DRC11: variants seen among roughly 807,000 people sequenced by gnomAD.
DRC11 encodes dynein regulatory complex subunit 11, also known as IQ and AAA domain-containing protein 1.
chr2:236,363,886 A>T, the DRC11 span: 20 of 1,613,848 alleles, frequency 1.2e-5, no homozygotes, highest in African/African-American at 2.5e-4. The surrounding 1 kb of genome is among the most constrained non-coding windows in gnomAD (Gnocchi z 5.6). Context: ...TTCGGTGCAG[A>T]TGGCATGGAC....
chr2:236,320,611 C>G, the DRC11 span, among the ~76,000 whole-genome samples: 1 of 152,178 alleles, frequency 6.6e-6, no homozygotes, highest in Non-Finnish European at 1.5e-5. Context: ...CTGGGACCTA[C>G]TTATTCCTAC....
At chr2:236,505,286 T>C in the DRC11 span, among the ~76,000 whole-genome samples, 3 of 152,222 alleles carry the variant, frequency 2.0e-5, no homozygotes, top group East Asian at 1.9e-4. Flanking sequence ...CACTTGAATA[T>C]ATGCACTTCC....
chr2:236,316,145 TTCTCTCTCTCTC>T, the DRC11 span, among the ~76,000 whole-genome samples: 24 of 146,116 alleles, frequency 1.6e-4, no homozygotes, highest in African/African-American at 4.3e-4. The surrounding 1 kb of genome is among the most constrained non-coding windows in gnomAD (Gnocchi z 6.8). Flanking sequence ...ACTTATTTTC[TTCTCTCTCTCTC>T]TCTCTCTCTC....
the DRC11 span, among the ~76,000 whole-genome samples, chr2:236,499,475 C>G: frequency 8.0e-4 from 122 of 152,338 alleles, 1 homozygote; most frequent in East Asian, 0.02. The surrounding 1 kb of genome is among the most constrained non-coding windows in gnomAD (Gnocchi z 4.7). Flanking sequence ...GTCACCCAGC[C>G]CAGAGTGCAG....
the DRC11 span, among the ~76,000 whole-genome samples, chr2:236,479,636 C>T: frequency 6.6e-6 from 1 of 152,270 alleles, no homozygotes; most frequent in Middle Eastern, 3.4e-3. The surrounding 1 kb of genome is among the most constrained non-coding windows in gnomAD (Gnocchi z 4.1). Context: ...TACACTTTAT[C>T]TCCCCCACAT....
At chr2:236,370,298 C>T in the DRC11 span, among the ~76,000 whole-genome samples, 277 of 152,332 alleles carry the variant, frequency 1.8e-3, 2 homozygotes, top group African/African-American at 6.4e-3. This position sits in a 1 kb window ranked among gnomAD's most constrained non-coding sequence, Gnocchi z 5.5. Flanking sequence ...CAGCCACTTG[C>T]TTAATGTTTA....
the DRC11 span, among the ~76,000 whole-genome samples, chr2:236,445,487 C>T: frequency 5.0e-4 from 76 of 151,832 alleles, no homozygotes; most frequent in African/African-American, 1.6e-3. The surrounding 1 kb of genome is among the most constrained non-coding windows in gnomAD (Gnocchi z 4.8). Context: ...TATGCACCAC[C>T]ATGCTTGACT....
the DRC11 span, among the ~76,000 whole-genome samples, chr2:236,455,265 GA>G: frequency 2.0e-5 from 3 of 152,238 alleles, no homozygotes; most frequent in Non-Finnish European, 4.4e-5. This position sits in a 1 kb window ranked among gnomAD's most constrained non-coding sequence, Gnocchi z 5.7. Context: ...TCAGAAACCT[GA>G]ATATGAATTC....
the DRC11 span, among the ~76,000 whole-genome samples, chr2:236,503,474 A>G: frequency 6.6e-6 from 1 of 152,148 alleles, no homozygotes; most frequent in Non-Finnish European, 1.5e-5. The surrounding 1 kb of genome is among the most constrained non-coding windows in gnomAD (Gnocchi z 4.9). Context: ...TTGGTCAAAG[A>G]CAGTCCTGGT....
the DRC11 span, among the ~76,000 whole-genome samples, chr2:236,401,518 T>G: frequency 6.6e-6 from 1 of 152,170 alleles, no homozygotes; most frequent in East Asian, 1.9e-4. The surrounding 1 kb of genome is among the most constrained non-coding windows in gnomAD (Gnocchi z 4.6). Context: ...AGGGAAAGTA[T>G]AGGCTCAATC....
chr2:236,455,970 C>T, the DRC11 span, among the ~76,000 whole-genome samples: 11 of 152,062 alleles, frequency 7.2e-5, no homozygotes, highest in Admixed American at 2.0e-4. The surrounding 1 kb of genome is among the most constrained non-coding windows in gnomAD (Gnocchi z 5.7). Flanking sequence ...TTGCTCTCCG[C>T]GCCTCCACCA....
the DRC11 span, among the ~76,000 whole-genome samples, chr2:236,421,895 G>T: frequency 6.6e-6 from 1 of 152,268 alleles, no homozygotes; most frequent in East Asian, 1.9e-4. Context: ...ATGCAAGGCT[G>T]GTTCAACATA....
At chr2:236,479,873 T>C in the DRC11 span, among the ~76,000 whole-genome samples, 7 of 152,194 alleles carry the variant, frequency 4.6e-5, no homozygotes, top group Non-Finnish European at 1.0e-4. The surrounding 1 kb of genome is among the most constrained non-coding windows in gnomAD (Gnocchi z 4.1). Context: ...TGTCTTTTTC[T>C]TTCAGACTGA....
chr2:236,402,017 C>T, the DRC11 span, among the ~76,000 whole-genome samples: 1 of 152,204 alleles, frequency 6.6e-6, no homozygotes, highest in Admixed American at 6.5e-5. The surrounding 1 kb of genome is among the most constrained non-coding windows in gnomAD (Gnocchi z 6.0). Flanking sequence ...TACAACACAA[C>T]CATCGGAATA....
At chr2:236,325,207 G>C in the DRC11 span, among the ~76,000 whole-genome samples, 1 of 152,242 alleles carries the variant, frequency 6.6e-6, no homozygotes, top group South Asian at 2.1e-4. The surrounding 1 kb of genome is among the most constrained non-coding windows in gnomAD (Gnocchi z 4.4). Context: ...AGAAATAATG[G>C]AGCCCAAATA....
the DRC11 span, among the ~76,000 whole-genome samples, chr2:236,500,189 G>A: frequency 6.6e-6 from 1 of 152,138 alleles, no homozygotes; most frequent in Non-Finnish European, 1.5e-5. This position sits in a 1 kb window ranked among gnomAD's most constrained non-coding sequence, Gnocchi z 6.3. Context: ...AATAACTCGT[G>A]TAATCCTCAC....
the DRC11 span, among the ~76,000 whole-genome samples, chr2:236,355,419 A>G: frequency 1.3e-5 from 2 of 152,242 alleles, no homozygotes; most frequent in African/African-American, 4.8e-5. Flanking sequence ...AAGGTTCTGC[A>G]GCCTATGTGC....
chr2:236,322,547 C>G, the DRC11 span, among the ~76,000 whole-genome samples: 1 of 152,006 alleles, frequency 6.6e-6, no homozygotes, highest in Non-Finnish European at 1.5e-5. Flanking sequence ...TGCCTGGCCT[C>G]TTTCCTCTTT....
chr2:236,370,882 T>C, the DRC11 span, among the ~76,000 whole-genome samples: 68,392 of 151,334 alleles, frequency 0.45, 15,936 homozygotes, highest in African/African-American at 0.5. The surrounding 1 kb of genome is among the most constrained non-coding windows in gnomAD (Gnocchi z 5.5). Context: ...GTGCAGGCTT[T>C]GCATCCTCTG....
Sources: gnomAD v4.1 joint callset for allele counts (sites outside exome capture counted in the v4.1 genomes callset) on GRCh38, gnomAD v4.1.1 for gene constraint, Gnocchi (gnomAD v3.1) non-coding constraint, MANE v1.5 for transcripts, NCBI Gene and HGNC (gene_info 2026-07-23, HGNC 2026-07-21) for gene names.